BAG3: variants seen among roughly 807,000 people sequenced by gnomAD.
BAG3 encodes the protein BAG family molecular chaperone regulator 3.
In BAG3, 14 loss-of-function variants were observed where a neutral mutation model predicts 40.5. That is an observed-to-expected ratio of 0.35 (90% CI 0.23 to 0.54). The LOEUF is 0.54. Ranked by LOEUF, BAG3 falls within the 20% of genes least tolerant of loss-of-function variation. The pLI is 0.91. For synonymous variants in BAG3, 302 were observed against 307.8 expected (o/e 0.98, Z 0.20); for missense variants, 788 against 758.6 (o/e 1.04, Z -0.46).
Position 119,666,887 on chromosome 10 carries a change from C to T in BAG3, c.181-2964C>T, listed in dbSNP as rs570188060. Among the ~76,000 whole-genome samples the T allele has an allele frequency of 2.0e-5, 3 of 152,326 alleles. No individual in the cohort carries two copies. In the East Asian group the frequency reaches 5.8e-4, roughly 29 times the overall value. On this transcript the variant is annotated intron_variant, in intron 1 of 3. Transcript: ENST00000369085. ...TTCCCATCACCTCAGAAAGCTCTTT[C>T]GAGACCCTTCCCAGCCACTACCATC...
In BAG3 at chr10:119,676,498, C is replaced by G; in HGVS notation, c.944C>G (p.Ser315Cys). The G allele has an allele frequency of 6.2e-7, 1 of 1,614,086 alleles. No homozygotes were observed. The highest frequency in any genetic ancestry group is 8.5e-7 in the Non-Finnish European group (1 of 1,180,026). Residue 315 changes from serine to cysteine, a missense_variant, in exon 4 of 4, where the codon TCC (serine) becomes TGC (cysteine). By Grantham distance (112) the Ser-to-Cys change is moderately radical. Coordinates refer to ENST00000369085, the MANE Select transcript of BAG3 (RefSeq NM_004281.4). ...ACCCATCGAGAAACTGCACCTGTTT[C>G]CCAGCCTGAAAACAAACCAGAAAGT... ...PMTHRETAPV[S>C]QPENKPESKP...
rs1847237047 is a variant in BAG3, at chr10:119,676,543, C to T, written c.989C>T (p.Pro330Leu). 1.2e-6 allele frequency: 2 copies of T among 1,614,020 alleles called. No homozygotes were observed. Among genetic ancestry groups the T allele is most frequent in the South Asian group, 2.2e-5 (2 of 91,062 alleles). Residue 330 changes from proline (P) to leucine (L), a missense_variant, in exon 4 of 4, where the codon CCA becomes CTA. Coordinates refer to ENST00000369085, the MANE Select transcript of BAG3 (RefSeq NM_004281.4). ...GAAAGTAAGCCAGGCCCAGTTGGACCAGAACTCCCTCCTGGACACATCCCA... is the reference window on the plus strand; with the variant it reads ...GAAAGTAAGCCAGGCCCAGTTGGACTAGAACTCCCTCCTGGACACATCCCA... Reference protein sequence around the residue: ...KPESKPGPVGPELPPGHIPIQ... With the variant: ...KPESKPGPVGLELPPGHIPIQ...
In BAG3 at chr10:119,660,571, C is replaced by T. The variant is rs193241749; in HGVS notation, c.180+8716C>T. 2.4e-3 allele frequency among the ~76,000 whole-genome samples: 370 copies of T among 152,156 alleles called. 2 individuals are homozygous for T. The highest frequency in any genetic ancestry group is 8.6e-3 in the African/African-American group (357 of 41,488). On this transcript the variant is annotated intron_variant, in intron 1 of 3. Coordinates refer to ENST00000369085, the MANE Select transcript of BAG3 (RefSeq NM_004281.4). ...AAGAATTAGGCTTTGTTGAACAGGG[C>T]GCGGTGGCTCACACCTGTAATCCCA...
At chr10:119,664,739 A>C (rs1339024228) in intron 1 of BAG3, among the ~76,000 whole-genome samples, 1 of 152,186 alleles carries the variant, frequency 6.6e-6, no homozygotes, top group Non-Finnish European at 1.5e-5. Context: ...ATGTGCTTGA[A>C]CTTGAAAACA....
chr10:119,667,411 C>A (rs1375229148), intron 1 of BAG3, among the ~76,000 whole-genome samples: 4 of 152,206 alleles, frequency 2.6e-5, no homozygotes, highest in Non-Finnish European at 4.4e-5. Flanking sequence ...AACCTCACAA[C>A]ATTTCTCCAG....
Position 119,672,104 on chromosome 10 carries a change from T to C in BAG3, c.508-151T>C. The C allele has an allele frequency of 8.7e-7, 1 of 1,151,970 alleles. No homozygotes were observed. Among genetic ancestry groups the C allele is most frequent in the Non-Finnish European group, 1.3e-6 (1 of 795,712 alleles). 71.4% of individuals were successfully genotyped at this position (1,151,970 alleles called of 1,614,324 possible). ...GCGCCCAGCCCCAGAGCTCTCAGTC[T>C]TAACCGCACATTTTGAAAATTGAAA... On this transcript the variant is annotated intron_variant, in intron 2 of 3. Transcript: ENST00000369085. This position sits in a 1 kb window ranked among gnomAD's most constrained non-coding sequence, Gnocchi z 4.8.
chr10:119,665,110 G>GTGTGTT, intron 1 of BAG3, among the ~76,000 whole-genome samples: 1 of 75,740 alleles, frequency 1.3e-5, no homozygotes, highest in Admixed American at 1.3e-4. Flanking sequence ...GTGTGTGTGT[G>GTGTGTT]TGTGTGTGTG....
intron 1 of BAG3, among the ~76,000 whole-genome samples, chr10:119,659,782 A>G (rs1846967873): frequency 6.6e-6 from 1 of 152,222 alleles, no homozygotes; most frequent in Admixed American, 6.5e-5. Context: ...TCCATTTAGC[A>G]TGGAAATGTA....
chr10:119,669,911 G>A lies in BAG3; in HGVS notation c.241G>A (p.Glu81Lys). 1 of 1,614,200 alleles carries A rather than the reference G, an allele frequency of 6.2e-7. No homozygotes were observed. The highest frequency in any genetic ancestry group is 1.7e-5 in the Admixed American group (1 of 60,032). Reference sequence around the variant, plus strand: ...GGGCTCTAGGCTGCCGCCTGCTAGGGAAGGCCACCCTGTGTACCCCCAGCT... The same window carrying A: ...GGGCTCTAGGCTGCCGCCTGCTAGGAAAGGCCACCCTGTGTACCCCCAGCT... ...REGSRLPPAR[E>K]GHPVYPQLRP... The change falls in exon 2 of 4, where the codon GAA becomes AAA. Residue 81 changes from glutamate (E) to lysine (K), a missense_variant. Physicochemically the swap from Glu to Lys is moderately conservative, Grantham distance 56 (BLOSUM62 1). Coordinates refer to ENST00000369085, the MANE Select transcript of BAG3 (RefSeq NM_004281.4).
intron 1 of BAG3, among the ~76,000 whole-genome samples, chr10:119,662,312 G>C (rs578249686): frequency 3.5e-5 from 5 of 143,148 alleles, no homozygotes; most frequent in African/African-American, 1.3e-4. Context: ...CAAGTGATCC[G>C]CCCGCCTCGG....
rs758309477 is a variant in BAG3, at chr10:119,676,800, C to T, written c.1246C>T (p.Pro416Ser). Residue 416 changes from proline to serine, a missense_variant, in exon 4 of 4, where the codon CCC (proline) becomes TCC (serine). Transcript: ENST00000369085. ...TCCAAAACCAGGAGAAGCCGAGGCTCCCCCAAAACATCCAGGAGTGCTGAA... is the reference window on the plus strand; with the variant it reads ...TCCAAAACCAGGAGAAGCCGAGGCTTCCCCAAAACATCCAGGAGTGCTGAA... ...TPPKPGEAEA[P>S]PKHPGVLKVE... 6.2e-7 allele frequency: 1 copy of T among 1,614,132 alleles called. No individual in the cohort carries two copies. Among genetic ancestry groups the T allele is most frequent in the East Asian group, 2.2e-5 (1 of 44,890 alleles).
rs150048651 is a variant in BAG3 at position 119,672,639 on chromosome 10, G to A, written c.892G>A (p.Val298Met). The stretch of plus-strand genomic sequence containing the variant: ...CCCCTCGCCCATCCGTGTGCACACC[G>A]TGGTCGACAGGCCTCAGGTACGGGA... ...HSPSPIRVHT[V>M]VDRPQQPMTH... Residue 298 changes from valine to methionine, a missense_variant, in exon 3 of 4, where the codon GTG (valine) becomes ATG (methionine). Transcript: ENST00000369085. The surrounding 1 kb of genome is among the most constrained non-coding windows in gnomAD (Gnocchi z 4.8). 1.5e-4 allele frequency: 246 copies of A among 1,613,584 alleles called. 1 individual carries two copies. Among genetic ancestry groups the A allele is most frequent in the Non-Finnish European group, 2.0e-4 (238 of 1,180,028 alleles).
In BAG3 at chr10:119,651,713, C is replaced by A; in HGVS notation, c.38C>A (p.Ala13Glu). The A allele has an allele frequency of 6.3e-7, 1 of 1,594,728 alleles. No homozygotes were observed. Among genetic ancestry groups the A allele is most frequent in the Admixed American group, 1.7e-5 (1 of 57,712 alleles). ...AATHSPMMQV[A>E]SGNGDRDPLP... ...ACCCACTCGCCCATGATGCAGGTGG[C>A]GTCCGGCAACGGTGACCGCGACCCT... The change falls in exon 1 of 4, where the codon GCG (alanine) becomes GAG (glutamate). Residue 13 changes from alanine to glutamate, a missense_variant. Transcript: ENST00000369085.
Position 119,655,722 on chromosome 10 carries a change from C to G in BAG3, c.180+3867C>G, listed in dbSNP as rs1414277922. ...GTTGGGGGGCAGATGAACAGCATGG[C>G]CAGATGCCTTGGAGCCCAGCTCATC... On this transcript the variant is annotated intron_variant, in intron 1 of 3. Transcript: ENST00000369085. Among the ~76,000 whole-genome samples, 4 of 152,284 alleles carry G rather than the reference C, an allele frequency of 2.6e-5. No individual in the cohort carries two copies. The South Asian group carries it at 8.3e-4, about 32-fold the overall frequency.
In BAG3 at chr10:119,672,290, C is replaced by T. The variant is rs1227381297; in HGVS notation, c.543C>T (p.Ser181=). 6 of 1,613,894 alleles carry T rather than the reference C, an allele frequency of 3.7e-6. No homozygotes were observed. The highest frequency in any genetic ancestry group is 5.1e-6 in the Non-Finnish European group (6 of 1,180,020). ...SQSPAASDCS[S]SSSSASLPSS... is the part of the protein sequence containing the mutation. ...CTCCAGCTGCCTCTGACTGCTCATC[C>T]TCATCCTCCTCGGCCAGCCTGCCTT... Residue 181 remains serine, a synonymous_variant, in exon 3 of 4, where the codon TCC becomes TCT. Coordinates refer to ENST00000369085, the MANE Select transcript of BAG3 (RefSeq NM_004281.4). This position sits in a 1 kb window ranked among gnomAD's most constrained non-coding sequence, Gnocchi z 4.8.
intron 1 of BAG3, among the ~76,000 whole-genome samples, chr10:119,653,657 T>C (rs1432676283): frequency 6.6e-6 from 1 of 152,236 alleles, no homozygotes; most frequent in African/African-American, 2.4e-5. Context: ...GGAAGATTTA[T>C]TTGAAAATTT....
Position 119,671,134 on chromosome 10 carries a change from C to T in BAG3, c.507+957C>T, listed in dbSNP as rs538750596. On this transcript the variant is annotated intron_variant, in intron 2 of 3. Transcript: ENST00000369085. ...ACCAGCCTGGCTAACACGGTGAAAC[C>T]CCGTCTCTACAAAAAATACAAAAAT... Among the ~76,000 whole-genome samples, 73 of 152,188 alleles carry T rather than the reference C, an allele frequency of 4.8e-4. 1 individual carries two copies. The highest frequency in any genetic ancestry group is 3.4e-3 in the Middle Eastern group (1 of 294).
At chr10:119,668,775 A>T (rs1000806683) in intron 1 of BAG3, among the ~76,000 whole-genome samples, 2 of 152,264 alleles carry the variant, frequency 1.3e-5, no homozygotes, top group Non-Finnish European at 2.9e-5. Context: ...TGTTGCGTTG[A>T]AGAAAAAGTT....
intron 1 of BAG3, among the ~76,000 whole-genome samples, chr10:119,660,037 G>A (rs1200274060): frequency 1.3e-5 from 2 of 152,204 alleles, no homozygotes; most frequent in Admixed American, 6.5e-5. Context: ...CGTGAGGCAG[G>A]CTGCAGGGCT....
Sources: allele counts gnomAD v4.1 joint callset (sites outside exome capture counted in the v4.1 genomes callset), GRCh38; gene constraint gnomAD v4.1.1; non-coding constraint Gnocchi (gnomAD v3.1); transcripts MANE v1.5; gene names NCBI Gene and HGNC (gene_info 2026-07-23, HGNC 2026-07-21).